The following C9 variants were observed in gnomAD, a reference collection of about 807,000 sequenced individuals.
C9 encodes the protein complement C9, also known as complement component C9.
C9 carries 63 observed loss-of-function variants against 65.4 expected under a neutral mutation model. The ratio of observed to expected loss-of-function variants is 0.96; its 90% confidence interval spans 0.79 to 1.19. The LOEUF is 1.19. C9 is among the 50% of genes most tolerant of loss of function. The pLI is 0.00. For synonymous variants in C9, 229 were observed against 227.9 expected (o/e 1.00, Z -0.04); for missense variants, 744 against 670.1 (o/e 1.11, Z -1.22).
At position 39,359,086 on chromosome 5, in the gene C9, ATATGTG is replaced by A. The variant is rs1459654639; in HGVS notation, c.77+5296_77+5301del. ...TATATATATATGTGTGTGTATATAT[ATATGTG>A]TGTGTGTGTGTATATATATATATAT... On this transcript the variant is annotated intron_variant, in intron 1 of 10. Coordinates refer to ENST00000263408, the MANE Select transcript of C9 (RefSeq NM_001737.5). Among the ~76,000 whole-genome samples, 166 of 66,508 alleles carry A rather than the reference ATATGTG, an allele frequency of 2.5e-3. 1 individual carries two copies. The highest frequency in any genetic ancestry group is 8.0e-3 in the African/African-American group (155 of 19,436). The allele number at this position is 66,508 out of a possible 152,430, so 43.6% of individuals were successfully genotyped here.
At chr5:39,303,571 T>C (rs1057272186) in intron 9 of C9, among the ~76,000 whole-genome samples, 2 of 150,166 alleles carry the variant, frequency 1.3e-5, no homozygotes, top group African/African-American at 4.9e-5. Flanking sequence ...TTATAACATA[T>C]ATATTTTACC....
At chr5:39,296,539 G>T (rs1008237656) in intron 9 of C9, among the ~76,000 whole-genome samples, 6 of 151,454 alleles carry the variant, frequency 4.0e-5, no homozygotes, top group Non-Finnish European at 7.4e-5. Flanking sequence ...CTATATGAAG[G>T]TTCTTTTGAA....
intron 5 of C9, among the ~76,000 whole-genome samples, chr5:39,317,151 A>G (rs1395174667): frequency 2.0e-5 from 3 of 152,226 alleles, no homozygotes; most frequent in Admixed American, 6.5e-5. Context: ...TCTTCTTTTG[A>G]GAAGTGTCTG....
At chr5:39,345,926 T>C (rs1754184820) in intron 1 of C9, among the ~76,000 whole-genome samples, 1 of 152,154 alleles carries the variant, frequency 6.6e-6, no homozygotes. Flanking sequence ...GACTACTGGG[T>C]ACATAACGAA....
intron 4 of C9, among the ~76,000 whole-genome samples, chr5:39,340,792 G>A (rs148776466): frequency 2.2e-4 from 33 of 152,280 alleles, no homozygotes; most frequent in East Asian, 5.8e-4. Context: ...GCTAGATCTC[G>A]TATTGGAAAT....
chr5:39,307,089 G>A lies in C9; in HGVS notation c.1241-297C>T, dbSNP rs867075404. On this transcript the variant is annotated intron_variant, in intron 8 of 10. Coordinates refer to ENST00000263408, the MANE Select transcript of C9 (RefSeq NM_001737.5). ...TCCTCACATACAAACATGTACTCAC[G>A]GGAACTAAATATGACTTTGGGTGTA... 3.9e-5 allele frequency among the ~76,000 whole-genome samples: 6 copies of A among 152,120 alleles called. No individual in the cohort carries two copies. The South Asian group carries it at 1.0e-3, about 26-fold the overall frequency.
At chr5:39,321,493 C>A (rs769677383) in intron 5 of C9, among the ~76,000 whole-genome samples, 2 of 151,334 alleles carry the variant, frequency 1.3e-5, no homozygotes, top group Non-Finnish European at 2.9e-5. Flanking sequence ...AGGAAGATAG[C>A]AAGAGAGAAA....
Position 39,284,663 on chromosome 5 carries a change from C to G in C9, c.*536G>C, listed in dbSNP as rs989366518. On this transcript the variant is annotated 3_prime_UTR_variant, in exon 11 of 11. Transcript: ENST00000263408. ...TATAATATGTTTTCCCCCTTGGACA[C>G]ATGGATTTAAATCGTAGAGCTAAGA... 1 of 153,154 alleles carries G rather than the reference C, an allele frequency of 6.5e-6. No homozygotes were observed. The highest frequency in any genetic ancestry group is 1.5e-5 in the Non-Finnish European group (1 of 68,782). The allele number at this position is 153,154 out of a possible 1,614,324, so 9.5% of individuals were successfully genotyped here.
intron 1 of C9, among the ~76,000 whole-genome samples, chr5:39,346,644 A>C (rs1475043111): frequency 2.6e-5 from 4 of 152,250 alleles, no homozygotes; most frequent in African/African-American, 9.6e-5. Flanking sequence ...CAATAGAAAA[A>C]GAGGGAATCC....
chr5:39,355,897 C>T (rs142401861), intron 1 of C9, among the ~76,000 whole-genome samples: 205 of 152,218 alleles, frequency 1.3e-3, no homozygotes, highest in African/African-American at 4.7e-3. Flanking sequence ...GGACACCAGT[C>T]GTATTGGATT....
At chr5:39,333,554 A>ATCTCCCTCTCCCTCTCCC (rs369529307) in intron 4 of C9, among the ~76,000 whole-genome samples, 2,546 of 116,086 alleles carry the variant, frequency 0.022, 175 homozygotes, top group East Asian at 0.093. Flanking sequence ...AAACACTTAT[A>ATCTCCCTCTCCCTCTCCC]TCTCCCTCTC....
At chr5:39,319,855 A>C (rs890648242) in intron 5 of C9, among the ~76,000 whole-genome samples, 1 of 152,030 alleles carries the variant, frequency 6.6e-6, no homozygotes, top group African/African-American at 2.4e-5. Flanking sequence ...GTTGACCTCT[A>C]TGGATACAGG....
chr5:39,306,162 C>CA (rs541310785), intron 9 of C9, among the ~76,000 whole-genome samples: 3,999 of 101,732 alleles, frequency 0.039, 218 homozygotes, highest in African/African-American at 0.13. Flanking sequence ...GACTCTGTCT[C>CA]AAAAAAAAAA....
intron 1 of C9, among the ~76,000 whole-genome samples, chr5:39,354,124 G>A (rs1754374527): frequency 6.6e-6 from 1 of 152,088 alleles, no homozygotes; most frequent in African/African-American, 2.4e-5. Flanking sequence ...TGTATTACAT[G>A]GGATGCCAAA....
At position 39,347,195 on chromosome 5, in the gene C9, T is replaced by G. The variant is rs568373173; in HGVS notation, c.78-4999A>C. Reference sequence around the variant, plus strand: ...AGGGCAATAAGGCAGGAGAAAGAAATAAAGGGTATTCAATTAGGAAAAGAG... The same window carrying G: ...AGGGCAATAAGGCAGGAGAAAGAAAGAAAGGGTATTCAATTAGGAAAAGAG... On this transcript the variant is annotated intron_variant, in intron 1 of 10. Coordinates refer to ENST00000263408, the MANE Select transcript of C9 (RefSeq NM_001737.5). Among the ~76,000 whole-genome samples the G allele has an allele frequency of 3.3e-5, 5 of 152,182 alleles. No homozygotes were observed. The South Asian group carries it at 1.0e-3, about 32-fold the overall frequency.
intron 1 of C9, among the ~76,000 whole-genome samples, chr5:39,347,811 C>A (rs1046010400): frequency 1.3e-5 from 2 of 152,044 alleles, no homozygotes; most frequent in Non-Finnish European, 1.5e-5. Context: ...GGTACTGGTA[C>A]CAAAACAGAG....
intron 5 of C9, among the ~76,000 whole-genome samples, chr5:39,318,101 T>A (rs1259613611): frequency 1.3e-5 from 2 of 152,018 alleles, no homozygotes; most frequent in Non-Finnish European, 2.9e-5. Context: ...TATGGGTTTT[T>A]TTTTTAGCAA....
chr5:39,306,242 G>T (rs1312121156), intron 9 of C9, among the ~76,000 whole-genome samples: 1 of 151,840 alleles, frequency 6.6e-6, no homozygotes, highest in Non-Finnish European at 1.5e-5. Flanking sequence ...CCACGGGAAG[G>T]CAAGAACAGC....
Position 39,330,513 on chromosome 5 carries a change from A to C in C9, c.615+1163T>G, listed in dbSNP as rs536852179. The stretch of plus-strand genomic sequence containing the variant: ...GACTAAACTCCAAACAAACTAAATC[A>C]ACACAACAATAGCCCTTCTCCCATC... On this transcript the variant is annotated intron_variant, in intron 5 of 10. Transcript: ENST00000263408. Among the ~76,000 whole-genome samples the C allele has an allele frequency of 3.9e-5, 6 of 152,358 alleles. No individual in the cohort carries two copies. The South Asian group carries it at 1.0e-3, about 26-fold the overall frequency.
Sources: gnomAD v4.1 joint callset for allele counts (sites outside exome capture counted in the v4.1 genomes callset) on GRCh38, gnomAD v4.1.1 for gene constraint, MANE v1.5 for transcripts, NCBI Gene and HGNC (gene_info 2026-07-23, HGNC 2026-07-21) for gene names.